Variants in ABCA3 observed in about 807,000 individuals in gnomAD.
The protein encoded by ABCA3 is phospholipid-transporting ATPase ABCA3.
In ABCA3, 88 loss-of-function variants were observed where a neutral mutation model predicts 172.8. The ratio of observed to expected loss-of-function variants is 0.51; its 90% CI spans 0.43 to 0.61. ABCA3 has a LOEUF of 0.61. ABCA3 is among the 20% of genes least tolerant of loss of function. The pLI is 0.00. For missense variants in ABCA3, 2,164 were observed against 2,301.0 expected, an observed-to-expected ratio of 0.94 and a Z score of 1.22; for synonymous variants, 1,066 against 983.8, an observed-to-expected ratio of 1.08 and a Z score of -1.56.
Position 2,308,503 on chromosome 16 carries a change from G to T in ABCA3, c.1232C>A (p.Ser411Tyr), listed in dbSNP as rs993041034. The T allele has an allele frequency of 3.7e-6, 6 of 1,614,234 alleles. No homozygotes were observed. The highest frequency in any genetic ancestry group is 5.1e-6 in the Non-Finnish European group (6 of 1,180,044). The part of the protein sequence containing the change: ...LSQKLCSCLL[S>Y]NVAMAMGAQL... The stretch of plus-strand genomic sequence containing the variant: ...GGCTCCCATTGCCATGGCGACATTA[G>T]ACAGGAGGCAGGAGCAGAGCTTCTG... The change falls in exon 11 of 33, where the codon TCT becomes TAT. Residue 411 changes from serine to tyrosine, a missense_variant. This residue lies in a region of ABCA3 where 1,343 missense variants were observed against 1,369.6 expected (regional missense o/e 0.98). Coordinates refer to ENST00000301732, the MANE Select transcript of ABCA3 (RefSeq NM_001089.3).
rs1332204235 is a variant in ABCA3, at chr16:2,288,196, T to A, written c.2834A>T (p.Asn945Ile). 6.2e-7 allele frequency: 1 copy of A among 1,603,572 alleles called. No homozygotes were observed. Among genetic ancestry groups the A allele is most frequent in the Non-Finnish European group, 8.5e-7 (1 of 1,175,052 alleles). The change falls in exon 21 of 33, where the codon AAC becomes ATC. Residue 945 changes from asparagine to isoleucine, a missense_variant. Physicochemically the swap from Asn to Ile is moderately radical, Grantham distance 149. Transcript: ENST00000301732. ...GTCGTCGAAGAGCTCCGAGGAGTAG[T>A]TGATGGCCAGGAGGGCCAGGGTGAC... ...TCVTLALLAINYSSELFDDPM... is the reference protein window; with the variant it reads ...TCVTLALLAIIYSSELFDDPM...
In ABCA3 at chr16:2,281,174, G is replaced by A. The variant is rs200204553; in HGVS notation, c.4212C>T (p.Leu1404=). 29 of 1,613,724 alleles carry A rather than the reference G, an allele frequency of 1.8e-5. No individual in the cohort carries two copies. Among genetic ancestry groups the A allele is most frequent in the Admixed American group, 1.3e-4 (8 of 60,024 alleles). ...VPLLAVDRLS[L]AVQKGECFGL... ...CGAAGCACTCCCCTTTCTGCACCGC[G>A]AGGGAGAGCCTGTCCACGGCCAGGA... Residue 1404 remains leucine (L), a synonymous_variant, in exon 28 of 33, where the codon CTC becomes CTT. Transcript: ENST00000301732. This position sits in a 1 kb window ranked among gnomAD's most constrained non-coding sequence, Gnocchi z 4.7.
intron 1 of ABCA3, chr16:2,332,607 G>C: frequency 6.4e-7 from 1 of 1,554,124 alleles, no homozygotes; most frequent in Non-Finnish European, 8.8e-7. Flanking sequence ...CCAGCAGCTT[G>C]TACTGTAGCG....
Position 2,324,416 on chromosome 16 carries a change from G to T in ABCA3, c.435C>A (p.Pro145=). The change falls in exon 6 of 33, where the codon CCC becomes CCA. Residue 145 remains proline (P), a synonymous_variant. Coordinates refer to ENST00000301732, the MANE Select transcript of ABCA3 (RefSeq NM_001089.3). ...FEHPFNHSKE[P]LPLAVKYHLR... ...CCGCACGTCTCACCGCCAGCGGCAG[G>T]GGCTCCTTGCTGTGGTTGAAGGGGT... 6.2e-7 allele frequency: 1 copy of T among 1,600,494 alleles called. No homozygotes were observed.
chr16:2,324,292 A>T, intron 6 of ABCA3, 112 bp downstream of exon 6: 1 of 1,441,400 alleles, frequency 6.9e-7, no homozygotes, highest in Non-Finnish European at 9.3e-7. Flanking sequence ...ACTTGCAGGC[A>T]GGCAGAGGTT....
Position 2,315,130 on chromosome 16 carries a change from G to A in ABCA3, c.1111+2153C>T, listed in dbSNP as rs1001155377. On this transcript the variant is annotated intron_variant, in intron 10 of 32. Transcript: ENST00000301732. Reference sequence around the variant, plus strand: ...AATCTCCTGACCTCATGATCCACCCGCCTCGGCCTCCCAAATTGCTGGGAT... The same window carrying A: ...AATCTCCTGACCTCATGATCCACCCACCTCGGCCTCCCAAATTGCTGGGAT... Among the ~76,000 whole-genome samples, 11 of 150,226 alleles carry A rather than the reference G, an allele frequency of 7.3e-5. No homozygotes were observed. The South Asian group carries it at 1.1e-3, about 14-fold the overall frequency.
In ABCA3 at chr16:2,295,687, T is replaced by C. The variant is rs1304305783; in HGVS notation, c.2317A>G (p.Ile773Val). Residue 773 changes from isoleucine to valine, a missense_variant, in exon 18 of 33, where the codon ATC (isoleucine) becomes GTC (valine). Around this residue, in one of 3 missense-constraint regions of ABCA3, gnomAD observed 1,343 missense variants for 1,369.6 expected, o/e 0.98. Transcript: ENST00000301732. ...VKEPHCNPED[I>V]SQLVHHHVPN... is the part of the protein sequence containing the mutation. ...ACGTGGTGGTGGACCAGCTGGGAGA[T>C]GTCTTCCGGGTTGCAGTGCGGCTCC... 1.2e-6 allele frequency: 2 copies of C among 1,613,944 alleles called. No homozygotes were observed. Among genetic ancestry groups the C allele is most frequent in the Admixed American group, 1.7e-5 (1 of 60,016 alleles).
chr16:2,284,374 C>G lies in ABCA3; in HGVS notation c.3767G>C (p.Cys1256Ser), dbSNP rs759998259. ...GAAACTGCTGACTGCCATCCCCAGA[C>G]AGTGGTTGGGCAGCACCAGGAACAC... ...DHVFLVLPNH[C>S]LGMAVSSFYE... Residue 1256 changes from cysteine (C) to serine (S), a missense_variant, in exon 25 of 33, where the codon TGT (cysteine) becomes TCT (serine). Around this residue, in one of 3 missense-constraint regions of ABCA3, gnomAD observed 795 missense variants for 881.9 expected, o/e 0.90. Transcript: ENST00000301732. The surrounding 1 kb of genome is among the most constrained non-coding windows in gnomAD (Gnocchi z 5.9). The G allele has an allele frequency of 5.6e-6, 9 of 1,614,020 alleles. No homozygotes were observed. The highest frequency in any genetic ancestry group is 5.0e-5 in the Admixed American group (3 of 60,022).
intron 1 of ABCA3, among the ~76,000 whole-genome samples, chr16:2,333,626 A>G (rs901883324): frequency 5.3e-5 from 8 of 152,292 alleles, no homozygotes; most frequent in African/African-American, 1.9e-4. Flanking sequence ...ACAATTGCCA[A>G]GTTTTTGCTG....
chr16:2,284,716 C>T lies in ABCA3; in HGVS notation c.3703+63G>A. The T allele has an allele frequency of 6.5e-7, 1 of 1,541,694 alleles. No homozygotes were observed. The highest frequency in any genetic ancestry group is 8.8e-7 in the Non-Finnish European group (1 of 1,133,494). On this transcript the variant is annotated intron_variant, in intron 24 of 32. Coordinates refer to ENST00000301732, the MANE Select transcript of ABCA3 (RefSeq NM_001089.3). The surrounding 1 kb of genome is among the most constrained non-coding windows in gnomAD (Gnocchi z 5.9). Reference sequence around the variant, plus strand: ...CGCCTCGGCTGTGGCTGGTGCCTCCCTGTCTGGGCGGAGTGGCTCCGTGGA... The same window carrying T: ...CGCCTCGGCTGTGGCTGGTGCCTCCTTGTCTGGGCGGAGTGGCTCCGTGGA...
At chr16:2,340,278 G>T (rs2093758610) in intron 1 of ABCA3, among the ~76,000 whole-genome samples, 1 of 152,104 alleles carries the variant, frequency 6.6e-6, no homozygotes, top group South Asian at 2.1e-4. Context: ...GCTTCCCCGC[G>T]CGGCGCGGGC....
chr16:2,332,553 G>T, intron 1 of ABCA3: 1 of 1,136,256 alleles, frequency 8.8e-7, no homozygotes, highest in Non-Finnish European at 1.3e-6. Context: ...GGACACGAAT[G>T]TCCACACCAG....
chr16:2,330,257 C>CA (rs1434660538), intron 1 of ABCA3, among the ~76,000 whole-genome samples: 4 of 136,936 alleles, frequency 2.9e-5, no homozygotes, highest in Admixed American at 2.3e-4. Context: ...GGTGCTAACT[C>CA]AGAGTCATCA....
At chr16:2,315,266 C>T (rs1242435796) in intron 10 of ABCA3, among the ~76,000 whole-genome samples, 1 of 151,294 alleles carries the variant, frequency 6.6e-6, no homozygotes, top group Non-Finnish European at 1.5e-5. Context: ...TGAGATATTA[C>T]CCGAAATCTC....
chr16:2,283,919 G>A lies in ABCA3; in HGVS notation c.3862+360C>T. The A allele has an allele frequency of 3.7e-6, 1 of 272,564 alleles. No homozygotes were observed. Among genetic ancestry groups the A allele is most frequent in the Non-Finnish European group, 7.1e-6 (1 of 141,484 alleles). The allele number at this position is 272,564 out of a possible 1,614,324, so 16.9% of individuals were successfully genotyped here. A position where few individuals can be genotyped will look rare whatever the true frequency, so the allele number is the denominator to read the frequency against. ...GCCATGCGAGGATGGAGGCGGTGGTGGGGAGTAGGTGCAGCCAGGAGCTCA... is the reference window on the plus strand; with the variant it reads ...GCCATGCGAGGATGGAGGCGGTGGTAGGGAGTAGGTGCAGCCAGGAGCTCA... On this transcript the variant is annotated intron_variant, in intron 25 of 32. Coordinates refer to ENST00000301732, the MANE Select transcript of ABCA3 (RefSeq NM_001089.3). This position sits in a 1 kb window ranked among gnomAD's most constrained non-coding sequence, Gnocchi z 5.4.
chr16:2,304,270 T>C lies in ABCA3; in HGVS notation c.1286-120A>G, dbSNP rs966350136. 6 of 1,041,950 alleles carry C rather than the reference T, an allele frequency of 5.8e-6. No homozygotes were observed. In the African/African-American group the frequency reaches 7.8e-5, roughly 14 times the overall value. The allele number at this position is 1,041,950 out of a possible 1,614,324, so 64.5% of individuals were successfully genotyped here. ...TTGCATGGCCACTGCTTGGTTGGCA[T>C]GCCTTTTCCCTTCCCGGTTTTATAA... is the stretch of plus-strand genomic sequence containing the variant. On this transcript the variant is annotated intron_variant, in intron 11 of 32. Transcript: ENST00000301732.
At chr16:2,305,632 G>T (rs2093696487) in intron 11 of ABCA3, among the ~76,000 whole-genome samples, 1 of 152,190 alleles carries the variant, frequency 6.6e-6, no homozygotes, top group African/African-American at 2.4e-5. Flanking sequence ...GTTTCGCCAT[G>T]TTGGCCAGGT....
In ABCA3 at chr16:2,300,582, G is replaced by A. The variant is rs540506700; in HGVS notation, c.1468-434C>T. 9.2e-5 allele frequency among the ~76,000 whole-genome samples: 14 copies of A among 152,296 alleles called. No homozygotes were observed. The East Asian group carries it at 2.5e-3, about 27-fold the overall frequency. ...TTCATGACTGTAAGCAAGAGAAGCC[G>A]AAGGCGCCACGCCTCCCTCTACTAT... On this transcript the variant is annotated intron_variant, in intron 12 of 32. Transcript: ENST00000301732.
At chr16:2,325,460 G>A (rs2093732748) in intron 5 of ABCA3, among the ~76,000 whole-genome samples, 1 of 152,168 alleles carries the variant, frequency 6.6e-6, no homozygotes, top group Non-Finnish European at 1.5e-5. Flanking sequence ...GGGATTCCTT[G>A]GGTGGCTCAG....
Sources: gnomAD v4.1 joint callset for allele counts (sites outside exome capture counted in the v4.1 genomes callset) on GRCh38, gnomAD v4.1.1 for gene constraint, gnomAD v4.1.1 regional missense constraint, Gnocchi (gnomAD v3.1) non-coding constraint, MANE v1.5 for transcripts, NCBI Gene and HGNC (gene_info 2026-07-23, HGNC 2026-07-21) for gene names.